PLEKHM3: variants seen among roughly 807,000 people sequenced by gnomAD.
PLEKHM3 encodes pleckstrin homology domain containing M3.
A neutral mutation model predicts 81.8 loss-of-function variants in PLEKHM3; 45 were observed. The observed-to-expected ratio is 0.55, with a 90% CI of 0.43 to 0.71. The LOEUF (loss-of-function observed/expected upper bound fraction) is 0.71, where lower values mean the gene tolerates loss of function less well. Ranked by LOEUF, PLEKHM3 falls within the 30% of genes least tolerant of loss-of-function variation. The pLI is 0.00. For synonymous variants in PLEKHM3, 352 were observed against 356.4 expected (o/e 0.99, Z 0.14); for missense variants, 788 against 924.3 (o/e 0.85, Z 1.91).
At chr2:207,846,273 C>G (rs371091376) in intron 7 of PLEKHM3, among the ~76,000 whole-genome samples, 1 of 152,174 alleles carries the variant, frequency 6.6e-6, no homozygotes, top group East Asian at 2.0e-4. Flanking sequence ...TCTCAAGTAG[C>G]TGGGATTACA....
intron 6 of PLEKHM3, among the ~76,000 whole-genome samples, chr2:207,883,869 T>C (rs1687788525): frequency 6.6e-6 from 1 of 152,218 alleles, no homozygotes; most frequent in African/African-American, 2.4e-5. Context: ...GGATTTCTCC[T>C]GGTAAAGCAA....
chr2:207,874,674 C>A (rs1273293875), intron 6 of PLEKHM3, among the ~76,000 whole-genome samples: 1 of 151,956 alleles, frequency 6.6e-6, no homozygotes, highest in Non-Finnish European at 1.5e-5. Context: ...TCACCGCAAC[C>A]TCTGCTTCCT....
chr2:207,996,876 A>G (rs1692137857), intron 2 of PLEKHM3, among the ~76,000 whole-genome samples: 1 of 152,214 alleles, frequency 6.6e-6, no homozygotes, highest in Non-Finnish European at 1.5e-5. Flanking sequence ...TTATATCATT[A>G]AATGTTTAAA....
chr2:208,014,848 G>A (rs780609840), intron 1 of PLEKHM3, among the ~76,000 whole-genome samples: 12 of 152,174 alleles, frequency 7.9e-5, no homozygotes, highest in Non-Finnish European at 1.6e-4. Context: ...CTGACATTAG[G>A]ATGATAGGCA....
chr2:207,850,551 T>C (rs1268011020), intron 7 of PLEKHM3, among the ~76,000 whole-genome samples: 2 of 152,240 alleles, frequency 1.3e-5, no homozygotes, highest in African/African-American at 4.8e-5. Context: ...GTTTTTAAGA[T>C]GAAGTGTTTA....
chr2:207,979,252 C>T (rs187015484), intron 2 of PLEKHM3, among the ~76,000 whole-genome samples: 1 of 152,172 alleles, frequency 6.6e-6, no homozygotes, highest in African/African-American at 2.4e-5. Flanking sequence ...AAATGACATC[C>T]AGTCAGGCGC....
At chr2:207,914,374 C>T (rs1383702689) in intron 5 of PLEKHM3, among the ~76,000 whole-genome samples, 2 of 151,622 alleles carry the variant, frequency 1.3e-5, no homozygotes, top group African/African-American at 2.4e-5. Flanking sequence ...GGCGCATGCC[C>T]GTGATCCCAG....
chr2:207,857,304 T>G (rs1193368488), intron 7 of PLEKHM3, among the ~76,000 whole-genome samples: 1 of 152,240 alleles, frequency 6.6e-6, no homozygotes, highest in African/African-American at 2.4e-5. Flanking sequence ...CTCTACAATC[T>G]TCATTCTAAA....
At chr2:207,978,116 A>C (rs1198222628) in intron 2 of PLEKHM3, among the ~76,000 whole-genome samples, 1 of 152,044 alleles carries the variant, frequency 6.6e-6, no homozygotes, top group African/African-American at 2.4e-5. Flanking sequence ...AACTAGAACT[A>C]GGGTGGAATC....
chr2:207,950,330 G>C (rs1282937178), intron 3 of PLEKHM3, among the ~76,000 whole-genome samples: 1 of 152,230 alleles, frequency 6.6e-6, no homozygotes, highest in Non-Finnish European at 1.5e-5. Context: ...CAGGAAGCCT[G>C]AGTCTGTTCT....
intron 7 of PLEKHM3, among the ~76,000 whole-genome samples, chr2:207,857,138 G>A (rs906135619): frequency 1.3e-5 from 2 of 152,214 alleles, no homozygotes; most frequent in African/African-American, 2.4e-5. Context: ...GTTATGGACA[G>A]AGAAGTGTTG....
At chr2:207,854,918 C>G (rs1406886493) in intron 7 of PLEKHM3, among the ~76,000 whole-genome samples, 2 of 152,180 alleles carry the variant, frequency 1.3e-5, no homozygotes, top group African/African-American at 4.8e-5. Context: ...GATTCATAAT[C>G]ATATGGAGTC....
At chr2:207,893,890 A>C (rs1688140220) in intron 6 of PLEKHM3, among the ~76,000 whole-genome samples, 1 of 152,038 alleles carries the variant, frequency 6.6e-6, no homozygotes, top group Non-Finnish European at 1.5e-5. Context: ...CCGAGGTGGG[A>C]GGATCACTTG....
In PLEKHM3 at chr2:207,828,435, T is replaced by G; in HGVS notation, c.2170A>C (p.Arg724=). 6.2e-7 allele frequency: 1 copy of G among 1,614,014 alleles called. No homozygotes were observed. The highest frequency in any genetic ancestry group is 1.3e-5 in the African/African-American group (1 of 74,996). ...ECKEKSVPCP[R]CVRRELQKKQ... ...TTCTGCAGCTCTCGGCGAACACACC[T>G]CGGGCAGGGGACAGACTTTTCTTTG... Residue 724 remains arginine, a synonymous_variant, in exon 8 of 8, where the codon AGG becomes CGG. Coordinates refer to ENST00000427836, the MANE Select transcript of PLEKHM3 (RefSeq NM_001080475.3).
intron 2 of PLEKHM3, among the ~76,000 whole-genome samples, chr2:207,988,632 C>T (rs1277309645): frequency 6.6e-6 from 1 of 152,156 alleles, no homozygotes; most frequent in Admixed American, 6.6e-5. Context: ...TCTCTCTCTA[C>T]TAACCTCCTT....
intron 5 of PLEKHM3, among the ~76,000 whole-genome samples, chr2:207,921,470 AG>A (rs1689181539): frequency 6.6e-6 from 1 of 152,246 alleles, no homozygotes; most frequent in South Asian, 2.1e-4. Context: ...CAGGGTAATT[AG>A]CACATCTATC....
intron 1 of PLEKHM3, among the ~76,000 whole-genome samples, chr2:208,017,339 A>G (rs1692956223): frequency 1.3e-5 from 2 of 152,220 alleles, no homozygotes; most frequent in Admixed American, 6.5e-5. Context: ...AGGTCACCAC[A>G]TTCTCTTTGA....
intron 4 of PLEKHM3, among the ~76,000 whole-genome samples, chr2:207,939,422 C>T (rs182462931): frequency 3.4e-4 from 52 of 152,198 alleles, no homozygotes; most frequent in African/African-American, 6.7e-4. Context: ...GGGAAATAGA[C>T]GGATGGCTGT....
At chr2:207,918,483 C>A (rs1246617697) in intron 5 of PLEKHM3, among the ~76,000 whole-genome samples, 1 of 152,128 alleles carries the variant, frequency 6.6e-6, no homozygotes, top group Non-Finnish European at 1.5e-5. Context: ...GATTGCGCCA[C>A]TGTGCTGCAG....
Sources: gnomAD v4.1 joint callset for allele counts (sites outside exome capture counted in the v4.1 genomes callset) on GRCh38, gnomAD v4.1.1 for gene constraint, MANE v1.5 for transcripts, NCBI Gene and HGNC (gene_info 2026-07-23, HGNC 2026-07-21) for gene names.